MAP4: variants seen among roughly 807,000 people sequenced by gnomAD.
MAP4 encodes the protein microtubule associated protein 4, also known as microtubule-associated protein 4.
MAP4 carries 76 observed loss-of-function variants against 170.2 expected under a neutral mutation model. That is an observed-to-expected ratio of 0.45 (90% CI 0.37 to 0.54). MAP4 has a LOEUF of 0.54. Ranked by LOEUF, MAP4 falls within the 20% of genes least tolerant of loss-of-function variation. The probability of loss-of-function intolerance (pLI) is 0.00; values close to 1 mark genes in which losing one functional copy is unlikely to be tolerated. For missense variants in MAP4, 2,506 were observed against 2,748.0 expected (o/e 0.91, Z 1.97); for synonymous variants, 909 against 994.5 (o/e 0.91, Z 1.62).
rs188803234 is a variant in MAP4 at position 47,995,452 on chromosome 3, T to C, written c.223+3186A>G. On this transcript the variant is annotated intron_variant, in intron 2 of 20. Transcript: ENST00000683076. Reference sequence around the variant, plus strand: ...TTTTAGTAGAGGTATGGTTTCACCATGTTGGCCAGGCTGGTCTCAAACTCC... The same window carrying C: ...TTTTAGTAGAGGTATGGTTTCACCACGTTGGCCAGGCTGGTCTCAAACTCC... Among the ~76,000 whole-genome samples the C allele has an allele frequency of 3.3e-5, 5 of 152,274 alleles. No individual in the cohort carries two copies. In the East Asian group the frequency reaches 9.6e-4, roughly 29 times the overall value.
chr3:47,960,279 G>A, intron 3 of MAP4: 1 of 220,976 alleles, frequency 4.5e-6, no homozygotes. Context: ...AGGCTATTCA[G>A]CAGATGCTTG....
chr3:48,056,549 C>T (rs1410024004), intron 1 of MAP4, among the ~76,000 whole-genome samples: 1 of 98,558 alleles, frequency 1.0e-5, no homozygotes, highest in Non-Finnish European at 1.9e-5. Flanking sequence ...GCGCCTCTGC[C>T]CGGCCGCCCC....
At chr3:48,075,470 T>C (rs1203932393) in intron 1 of MAP4, among the ~76,000 whole-genome samples, 1 of 151,406 alleles carries the variant, frequency 6.6e-6, no homozygotes, top group African/African-American at 2.4e-5. Context: ...GAGGTTACAG[T>C]GAGCTGCGAT....
intron 1 of MAP4, among the ~76,000 whole-genome samples, chr3:48,080,284 T>C (rs556299800): frequency 1.3e-5 from 2 of 152,338 alleles, no homozygotes; most frequent in South Asian, 4.1e-4. Flanking sequence ...GGGAAATACC[T>C]GCATAGAGAA....
At chr3:48,053,545 T>C (rs1443568196) in intron 1 of MAP4, among the ~76,000 whole-genome samples, 1 of 152,212 alleles carries the variant, frequency 6.6e-6, no homozygotes, top group Non-Finnish European at 1.5e-5. Flanking sequence ...TTTTTTATTT[T>C]TAAACTTTAA....
intron 2 of MAP4, among the ~76,000 whole-genome samples, chr3:47,997,512 A>G (rs1199043387): frequency 6.6e-6 from 1 of 151,858 alleles, no homozygotes; most frequent in East Asian, 1.9e-4. Flanking sequence ...TAGAAAAGAA[A>G]TGTCTCAGAT....
intron 2 of MAP4, among the ~76,000 whole-genome samples, chr3:47,993,811 T>C (rs1470626330): frequency 6.6e-6 from 1 of 152,258 alleles, no homozygotes. Flanking sequence ...ACTTTGTCTG[T>C]TGACTTTCTG....
At chr3:47,891,289 G>A in intron 10 of MAP4, 6 of 1,536,222 alleles carry the variant, frequency 3.9e-6, no homozygotes, top group Non-Finnish European at 5.2e-6. Context: ...TGCTGTTGCT[G>A]AAGTGAGCCA....
At chr3:47,992,250 C>T (rs571978773) in intron 2 of MAP4, among the ~76,000 whole-genome samples, 6 of 152,222 alleles carry the variant, frequency 3.9e-5, no homozygotes, top group Admixed American at 2.6e-4. Flanking sequence ...TCATAAAGAA[C>T]TCACTAATTG....
At chr3:47,984,643 G>A (rs754549208) in intron 2 of MAP4, among the ~76,000 whole-genome samples, 10 of 151,260 alleles carry the variant, frequency 6.6e-5, no homozygotes, top group Admixed American at 1.3e-4. Context: ...ACCAGCCTGG[G>A]TAACATCACA....
At chr3:47,859,809 G>A (rs2062738775) in intron 17 of MAP4, among the ~76,000 whole-genome samples, 1 of 152,042 alleles carries the variant, frequency 6.6e-6, no homozygotes, top group African/African-American at 2.4e-5. Context: ...TCAATCTATA[G>A]TTCATTATAC....
At chr3:48,008,612 C>T (rs142861288) in intron 1 of MAP4, among the ~76,000 whole-genome samples, 3 of 152,192 alleles carry the variant, frequency 2.0e-5, no homozygotes, top group African/African-American at 7.2e-5. Flanking sequence ...GTGGATGGAC[C>T]TCTCTGAGTG....
chr3:47,965,972 C>T (rs557508932), intron 3 of MAP4, among the ~76,000 whole-genome samples: 3 of 152,062 alleles, frequency 2.0e-5, no homozygotes, highest in South Asian at 4.2e-4. Flanking sequence ...TGAAGATTTC[C>T]CTCTATGTTT....
chr3:48,086,549 G>A (rs993337829), intron 1 of MAP4, among the ~76,000 whole-genome samples: 1 of 152,130 alleles, frequency 6.6e-6, no homozygotes, highest in East Asian at 1.9e-4. Flanking sequence ...TGTGGCAGGA[G>A]AACTGCTTGA....
At position 47,977,949 on chromosome 3, in the gene MAP4, A is replaced by ATAAT; in HGVS notation, c.224-20_224-17dup. 1 of 1,562,020 alleles carries ATAAT rather than the reference A, an allele frequency of 6.4e-7. No individual in the cohort carries two copies. Among genetic ancestry groups the ATAAT allele is most frequent in the South Asian group, 1.1e-5 (1 of 89,732 alleles). ...GATGGAGTATCTGCAACAATGACAA[A>ATAAT]TAATTACCCATTGTGACAGACAGAA... On this transcript the variant is annotated splice_polypyrimidine_tract_variant and intron_variant, in intron 2 of 20. Coordinates refer to ENST00000683076, the MANE Select transcript of MAP4 (RefSeq NM_001385682.1).
At chr3:47,871,873 T>C in intron 13 of MAP4, 44 bp downstream of exon 13, 1 of 1,556,264 alleles carries the variant, frequency 6.4e-7, no homozygotes. Flanking sequence ...CAAGATCCCA[T>C]TTTCCCCTCC....
chr3:48,057,881 T>C (rs1408764969), intron 1 of MAP4, among the ~76,000 whole-genome samples: 1 of 152,110 alleles, frequency 6.6e-6, no homozygotes, highest in African/African-American at 2.4e-5. Flanking sequence ...TGAATGTAAA[T>C]CTATAATTAT....
At chr3:48,030,095 T>C (rs1173977819) in intron 1 of MAP4, among the ~76,000 whole-genome samples, 1 of 148,978 alleles carries the variant, frequency 6.7e-6, no homozygotes, top group African/African-American at 2.4e-5. Context: ...ATTTTATATA[T>C]ATGGCATTTC....
chr3:47,940,781 C>A (rs1402116463), intron 3 of MAP4, among the ~76,000 whole-genome samples: 1 of 152,174 alleles, frequency 6.6e-6, no homozygotes, highest in Non-Finnish European at 1.5e-5. Flanking sequence ...TGCAAACAAC[C>A]TTTAAGAAAC....
Sources: gnomAD v4.1 joint callset for allele counts (sites outside exome capture counted in the v4.1 genomes callset) on GRCh38, gnomAD v4.1.1 for gene constraint, MANE v1.5 for transcripts, NCBI Gene and HGNC (gene_info 2026-07-23, HGNC 2026-07-21) for gene names.